The following C2orf74 variants were observed in gnomAD, a reference collection of about 807,000 sequenced individuals.
The protein encoded by C2orf74 is uncharacterized protein C2orf74.
C2orf74 carries 14 observed loss-of-function variants against 17.9 expected under a neutral mutation model. That is an observed-to-expected ratio of 0.78 (90% CI 0.52 to 1.22). C2orf74 has a LOEUF of 1.22. C2orf74 is among the 50% of genes most tolerant of loss of function. The probability of loss-of-function intolerance (pLI) is 0.00; values close to 1 mark genes in which losing one functional copy is unlikely to be tolerated. For missense variants in C2orf74, 217 were observed against 218.4 expected (o/e 0.99, Z 0.04); for synonymous variants, 79 against 72.6 (o/e 1.09, Z -0.44).
chr2:61,145,406 G>C (rs997154981), intron 1 of C2orf74, among the ~76,000 whole-genome samples: 2 of 152,116 alleles, frequency 1.3e-5, no homozygotes, highest in Non-Finnish European at 2.9e-5. Context: ...ATGCTTAGCT[G>C]CATGTTTTTG....
At chr2:61,148,500 T>G (rs1685134589) in intron 1 of C2orf74, among the ~76,000 whole-genome samples, 1 of 152,172 alleles carries the variant, frequency 6.6e-6, no homozygotes, top group African/African-American at 2.4e-5. Flanking sequence ...AAGGAATATT[T>G]TAATAAAATT....
upstream of C2orf74, chr2:61,159,538 C>T (rs1180798446): frequency 3.6e-5 from 6 of 167,012 alleles, no homozygotes; most frequent in South Asian, 3.9e-4. Flanking sequence ...TCAAATGATG[C>T]GCCCACCTTG....
intron 1 of C2orf74, among the ~76,000 whole-genome samples, chr2:61,147,223 C>A (rs200993133): frequency 2.9e-5 from 3 of 101,866 alleles, no homozygotes; most frequent in Non-Finnish European, 6.4e-5. Context: ...CTTTCCTTTC[C>A]TTTTTTTTTT....
chr2:61,161,397 T>C (rs996784877), upstream of C2orf74, among the ~76,000 whole-genome samples: 1 of 152,112 alleles, frequency 6.6e-6, no homozygotes, highest in African/African-American at 2.4e-5. Flanking sequence ...GTTGAGGTAG[T>C]TTACTTCTAT....
Position 61,153,715 on chromosome 2 carries a change from C to T in C2orf74, c.-122+8519C>T, listed in dbSNP as rs562507909. Among the ~76,000 whole-genome samples, 82 of 149,028 alleles carry T rather than the reference C, an allele frequency of 5.5e-4. 1 individual carries two copies. The highest frequency in any genetic ancestry group is 1.8e-3 in the African/African-American group (74 of 40,772). On this transcript the variant is annotated intron_variant, in intron 1 of 3. Transcript: ENST00000426997. The stretch of plus-strand genomic sequence containing the variant: ...ACCAGCCAGGCCAACATGGTGAAAC[C>T]CCGTCTCCACTAAAAATATAAAAAT...
At chr2:61,155,403 C>T (rs1387412118) in intron 1 of C2orf74, among the ~76,000 whole-genome samples, 2 of 152,032 alleles carry the variant, frequency 1.3e-5, no homozygotes, top group Non-Finnish European at 2.9e-5. Flanking sequence ...CCACATCCCC[C>T]CAAAAAGCCA....
intron 4 of C2orf74, among the ~76,000 whole-genome samples, chr2:61,164,014 G>A (rs1260309546): frequency 6.6e-6 from 1 of 152,056 alleles, no homozygotes; most frequent in Non-Finnish European, 1.5e-5. Flanking sequence ...TCCTTCTTGA[G>A]CTCTGTGTCT....
chr2:61,157,983 C>A (rs975516626), upstream of C2orf74: 1 of 471,114 alleles, frequency 2.1e-6, no homozygotes, highest in Non-Finnish European at 4.4e-6. Flanking sequence ...ACCCTCTGGC[C>A]ACCATAGCAA....
At chr2:61,163,487 C>G (rs1379231427) in intron 4 of C2orf74, among the ~76,000 whole-genome samples, 1 of 151,932 alleles carries the variant, frequency 6.6e-6, no homozygotes, top group Non-Finnish European at 1.5e-5. Flanking sequence ...GCCTGTAATC[C>G]CAGCTACTTG....
intron 1 of C2orf74, among the ~76,000 whole-genome samples, chr2:61,152,552 A>T (rs56986904): frequency 0.024 from 3,445 of 140,818 alleles, 55 homozygotes; most frequent in East Asian, 0.039. Flanking sequence ...AAAAAAAATT[A>T]AAAAAAAAAG....
rs1430286481 is a variant in C2orf74, at chr2:61,164,534, A to G, written c.*7A>G. ...ACATAAAGAGAGGAAATGAAGCTCAAAAAAGGGTAAGAGTGAAAGAAAATG... is the reference window on the plus strand; with the variant it reads ...ACATAAAGAGAGGAAATGAAGCTCAGAAAAGGGTAAGAGTGAAAGAAAATG... On this transcript the variant is annotated 3_prime_UTR_variant, in exon 5 of 5. Transcript: ENST00000432605. The G allele has an allele frequency of 3.3e-6, 5 of 1,509,772 alleles. No individual in the cohort carries two copies. The highest frequency in any genetic ancestry group is 5.0e-5 in the East Asian group (2 of 39,898). 93.5% of individuals were successfully genotyped at this position (1,509,772 alleles called of 1,614,324 possible).
chr2:61,162,727 T>G (rs1685600223), intron 2 of C2orf74, 115 bp from the exon 3 acceptor site: 1 of 1,099,476 alleles, frequency 9.1e-7, no homozygotes, highest in African/African-American at 1.6e-5. Context: ...TATCTACTTT[T>G]CCATTTCAGC....
At chr2:61,163,991 C>T (rs910148550) in intron 4 of C2orf74, among the ~76,000 whole-genome samples, 24 of 152,088 alleles carry the variant, frequency 1.6e-4, no homozygotes, top group Non-Finnish European at 3.2e-4. Context: ...CAACAGCACA[C>T]AACACAGCTG....
At chr2:61,164,103 G>A (rs1388827005) in intron 4 of C2orf74, among the ~76,000 whole-genome samples, 1 of 152,084 alleles carries the variant, frequency 6.6e-6, no homozygotes, top group Non-Finnish European at 1.5e-5. Context: ...GATGGTCCTG[G>A]TGGCTCTTGG....
upstream of C2orf74, among the ~76,000 whole-genome samples, chr2:61,157,516 A>G (rs1275522827): frequency 6.6e-6 from 1 of 152,158 alleles, no homozygotes; most frequent in Non-Finnish European, 1.5e-5. Flanking sequence ...GCTTAAGCCA[A>G]AAAGGAAAGG....
chr2:61,155,313 A>C (rs1265871106), intron 1 of C2orf74, among the ~76,000 whole-genome samples: 1 of 152,064 alleles, frequency 6.6e-6, no homozygotes, highest in Non-Finnish European at 1.5e-5. Flanking sequence ...TTGTTCATGA[A>C]ATGTTTCTAC....
intron 1 of C2orf74, chr2:61,151,831 G>A (rs1239378500): frequency 4.6e-5 from 7 of 152,208 alleles, no homozygotes; most frequent in African/African-American, 1.7e-4. Context: ...TATAAATCCA[G>A]TCCACACTCA....
At position 61,156,416 on chromosome 2, in the gene C2orf74, CA is replaced by C. The variant is rs201663576; in HGVS notation, c.-121-6418del. ...AATCAAAACATAAGCTATTTGGAGC[CA>C]AAAAAAACAATGAAACAAAATGGAT... On this transcript the variant is annotated intron_variant, in intron 1 of 3. Coordinates refer to the C2orf74 transcript ENST00000426997. 6.1e-5 allele frequency among the ~76,000 whole-genome samples: 9 copies of C among 148,352 alleles called. 1 individual carries two copies. Among genetic ancestry groups the C allele is most frequent in the East Asian group, 5.9e-4 (3 of 5,106 alleles).
chr2:61,162,992 T>G (rs1008400009), intron 3 of C2orf74, 37 bp downstream of exon 3: 12 of 1,551,486 alleles, frequency 7.7e-6, no homozygotes, highest in Non-Finnish European at 1.0e-5. Context: ...GGCCATTTTG[T>G]GTTTGATAGT....
Sources: allele counts gnomAD v4.1 joint callset (sites outside exome capture counted in the v4.1 genomes callset), GRCh38; gene constraint gnomAD v4.1.1; transcripts MANE v1.5; gene names NCBI Gene and HGNC (gene_info 2026-07-23, HGNC 2026-07-21).